Variants in SHBG observed in about 807,000 individuals in gnomAD.
The protein encoded by SHBG is sex hormone-binding globulin.
SHBG carries 37 observed loss-of-function variants against 41.9 expected under a neutral mutation model. That is an observed-to-expected ratio of 0.88 (90% CI 0.68 to 1.16). The LOEUF is 1.16. SHBG is among the 50% of genes most tolerant of loss of function. The pLI is 0.00. For synonymous variants in SHBG, 217 were observed against 205.8 expected (o/e 1.05, Z -0.47); for missense variants, 466 against 499.9 (o/e 0.93, Z 0.65).
chr17:7,627,669 G>A, upstream of SHBG: 1 of 1,613,540 alleles, frequency 6.2e-7, no homozygotes, highest in South Asian at 1.1e-5. This position sits in a 1 kb window ranked among gnomAD's most constrained non-coding sequence, Gnocchi z 4.8. Context: ...AAAGTCCCAG[G>A]GCCTCGCAAA....
chr17:7,614,602 C>G (rs1457174132), intron 1 of SHBG: 19 of 968,252 alleles, frequency 2.0e-5, no homozygotes, highest in Non-Finnish European at 2.6e-5. Context: ...CCGGGCCAGG[C>G]CCCCGGCGTC....
intron 1 of SHBG, among the ~76,000 whole-genome samples, chr17:7,620,033 G>T (rs948439284): frequency 6.6e-5 from 10 of 151,064 alleles, no homozygotes; most frequent in African/African-American, 2.4e-4. Flanking sequence ...CATGGTTACA[G>T]TGAGCTATGA....
intron 1 of SHBG, among the ~76,000 whole-genome samples, chr17:7,621,543 G>A (rs1331744357): frequency 8.9e-6 from 1 of 112,652 alleles, no homozygotes; most frequent in Non-Finnish European, 1.9e-5. Flanking sequence ...AGAGGTTGCA[G>A]TGAGCCAAGA....
chr17:7,631,426 G>T, intron 4 of SHBG, 65 bp downstream of exon 4: 2 of 1,588,324 alleles, frequency 1.3e-6, no homozygotes, highest in Non-Finnish European at 1.7e-6. Flanking sequence ...GTGGCTGGCC[G>T]TGGGAATCTA....
intron 6 of SHBG, 143 bp from the exon 7 acceptor site, chr17:7,632,609 C>G: frequency 1.5e-6 from 1 of 675,324 alleles, no homozygotes; most frequent in Non-Finnish European, 2.6e-6. Context: ...AAAATTGGGG[C>G]AGGATTTAAG....
At chr17:7,614,640 C>A in intron 1 of SHBG, 1 of 569,330 alleles carries the variant, frequency 1.8e-6, no homozygotes, top group Non-Finnish European at 2.6e-6. Context: ...GGAGGGGGAG[C>A]CGCGGGGGGC....
upstream of SHBG, among the ~76,000 whole-genome samples, chr17:7,624,910 C>CA (rs1219189605): frequency 6.7e-6 from 1 of 149,736 alleles, no homozygotes; most frequent in East Asian, 2.0e-4. Flanking sequence ...GCCGGCCTCC[C>CA]AAAATCCAAA....
chr17:7,632,449 A>T (rs2072449360), intron 6 of SHBG, among the ~76,000 whole-genome samples: 1 of 152,118 alleles, frequency 6.6e-6, no homozygotes, highest in African/African-American at 2.4e-5. Flanking sequence ...TCAAAAAAAT[A>T]AAAATAAAAA....
intron 4 of SHBG, 49 bp downstream of exon 4, chr17:7,631,410 T>C: frequency 6.2e-7 from 1 of 1,600,496 alleles, no homozygotes; most frequent in South Asian, 1.1e-5. Flanking sequence ...GGTAAAGCAC[T>C]GCTGGGTGGC....
chr17:7,631,244 T>C lies in SHBG; in HGVS notation c.438T>C (p.Asp146=). 1 of 1,604,088 alleles carries C rather than the reference T, an allele frequency of 6.2e-7. No individual in the cohort carries two copies. Among genetic ancestry groups the C allele is most frequent in the Non-Finnish European group, 8.5e-7 (1 of 1,175,458 alleles). Residue 146 remains aspartate (D), a synonymous_variant, in exon 4 of 8, where the codon GAT becomes GAC. Transcript: ENST00000380450. ...GGGACTCTGTGCTGCTGGAGGTGGATGGGGAGGAGGTGCTGCGCCTGAGAC... is the reference window on the plus strand; with the variant it reads ...GGGACTCTGTGCTGCTGGAGGTGGACGGGGAGGAGGTGCTGCGCCTGAGAC... ...MEGDSVLLEV[D]GEEVLRLRQV... is the part of the protein sequence containing the mutation.
upstream of SHBG, chr17:7,626,594 G>A: frequency 6.2e-7 from 1 of 1,613,802 alleles, no homozygotes; most frequent in South Asian, 1.1e-5. Context: ...GGAATTGGGA[G>A]CAGCCCTTAT....
At chr17:7,626,801 GGA>G (rs2072223148), upstream of SHBG, 3 of 1,613,918 alleles carry the variant, frequency 1.9e-6, no homozygotes, top group Non-Finnish European at 2.5e-6. Flanking sequence ...GACCTGTTGT[GGA>G]GAGAAAGAGG....
At chr17:7,615,237 C>T (rs888079250) in intron 1 of SHBG, among the ~76,000 whole-genome samples, 2 of 152,182 alleles carry the variant, frequency 1.3e-5, no homozygotes, top group Non-Finnish European at 2.9e-5. Context: ...CACTCCGCCG[C>T]CGCTGGCCCC....
chr17:7,616,955 T>TA (rs1477728998), intron 1 of SHBG, among the ~76,000 whole-genome samples: 1 of 151,966 alleles, frequency 6.6e-6, no homozygotes, highest in Non-Finnish European at 1.5e-5. Context: ...GTAATAATAA[T>TA]AATAAATAAT....
upstream of SHBG, chr17:7,627,651 C>G (rs1323380609): frequency 6.2e-7 from 1 of 1,614,048 alleles, no homozygotes; most frequent in Non-Finnish European, 8.5e-7. The surrounding 1 kb of genome is among the most constrained non-coding windows in gnomAD (Gnocchi z 4.8). Context: ...TCCCCGCTGT[C>G]TGGGACCAAA....
intron 1 of SHBG, among the ~76,000 whole-genome samples, chr17:7,621,984 G>A (rs1317420953): frequency 6.7e-6 from 1 of 150,146 alleles, no homozygotes; most frequent in Non-Finnish European, 1.5e-5. Context: ...TTACAGGCAT[G>A]CGCCACCATG....
In SHBG at chr17:7,630,417, G is replaced by A. The variant is rs1597917717; in HGVS notation, c.113G>A (p.Ser38Asn). The A allele has an allele frequency of 6.2e-7, 1 of 1,613,864 alleles. No homozygotes were observed. The highest frequency in any genetic ancestry group is 1.7e-5 in the Admixed American group (1 of 60,000). ...TTGTTTGTTTTCTCTTTCTGATAGAGTGCCCACGACCCTCCGGCTGTCCAC... is the reference window on the plus strand; with the variant it reads ...TTGTTTGTTTTCTCTTTCTGATAGAATGCCCACGACCCTCCGGCTGTCCAC... ...WALRPVLPTQSAHDPPAVHLS... is the reference protein window; with the variant it reads ...WALRPVLPTQNAHDPPAVHLS... The change falls in exon 2 of 8, where the codon AGT becomes AAT. Residue 38 changes from serine (S) to asparagine (N), a missense_variant and splice_region_variant. Ser to Asn is a conservative substitution (Grantham distance 46). Coordinates refer to ENST00000380450, the MANE Select transcript of SHBG (RefSeq NM_001040.5). This position sits in a 1 kb window ranked among gnomAD's most constrained non-coding sequence, Gnocchi z 4.6.
intron 1 of SHBG, among the ~76,000 whole-genome samples, chr17:7,617,106 T>C (rs1160328237): frequency 1.3e-5 from 2 of 152,034 alleles, no homozygotes; most frequent in East Asian, 1.9e-4. Context: ...AGAGATAACA[T>C]AGGAGATAAA....
At chr17:7,632,721 C>T in intron 6 of SHBG, 31 bp from the exon 7 acceptor site, 2 of 1,572,796 alleles carry the variant, frequency 1.3e-6, no homozygotes, top group South Asian at 2.2e-5. Context: ...TTCCCTCTCT[C>T]TCTACCGTCC....
Sources: gnomAD v4.1 joint callset for allele counts (sites outside exome capture counted in the v4.1 genomes callset) on GRCh38, gnomAD v4.1.1 for gene constraint, Gnocchi (gnomAD v3.1) non-coding constraint, MANE v1.5 for transcripts, NCBI Gene and HGNC (gene_info 2026-07-23, HGNC 2026-07-21) for gene names.